PLEKHM2: variants seen among roughly 807,000 people sequenced by gnomAD.
PLEKHM2 encodes pleckstrin homology and RUN domain containing M2.
Under a neutral mutation model 116.3 loss-of-function variants are expected in PLEKHM2, and 77 were observed. That is an observed-to-expected ratio of 0.66 (90% CI 0.55 to 0.80). The LOEUF (loss-of-function observed/expected upper bound fraction) is 0.80, where lower values mean the gene tolerates loss of function less well. Ranked by LOEUF, PLEKHM2 falls within the 30% of genes least tolerant of loss-of-function variation. The probability of loss-of-function intolerance (pLI) is 0.00; values close to 1 mark genes in which losing one functional copy is unlikely to be tolerated. For synonymous variants in PLEKHM2, 562 were observed against 571.0 expected (o/e 0.98, Z 0.22); for missense variants, 1,183 against 1,354.9 (o/e 0.87, Z 1.99).
In PLEKHM2 at chr1:15,729,409, A is replaced by G. The variant is rs569801536; in HGVS notation, c.2075+219A>G. ...GCCCAGGTGACCTCAGCCCCTGGCG[A>G]CTCTTGGGGGTGCTAGCATGAGTTG... is the stretch of plus-strand genomic sequence containing the variant. On this transcript the variant is annotated intron_variant, in intron 13 of 19. Transcript: ENST00000375799. The surrounding 1 kb of genome is among the most constrained non-coding windows in gnomAD (Gnocchi z 4.7). Among the ~76,000 whole-genome samples the G allele has an allele frequency of 2.0e-4, 31 of 151,732 alleles. No homozygotes were observed. Among genetic ancestry groups the G allele is most frequent in the African/African-American group, 6.3e-4 (26 of 41,386 alleles).
intron 1 of PLEKHM2, among the ~76,000 whole-genome samples, chr1:15,693,604 G>C (rs1433897372): frequency 2.0e-5 from 3 of 152,174 alleles, no homozygotes; most frequent in Non-Finnish European, 4.4e-5. Context: ...GTTCAGACGG[G>C]GCTGACTGTC....
Position 15,732,412 on chromosome 1 carries a change from C to G in PLEKHM2, c.2688C>G (p.Asp896Glu). 6.4e-7 allele frequency: 1 copy of G among 1,573,844 alleles called. No homozygotes were observed. Among genetic ancestry groups the G allele is most frequent in the Non-Finnish European group, 8.6e-7 (1 of 1,159,808 alleles). ...CCTGCTGCCTGGTCCTCACGGATGA[C>G]CGCCTCTTTACGTGCCATGAGGATT... The part of the protein sequence containing the change: ...CIPCCLVLTD[D>E]RLFTCHEDCQ... Residue 896 changes from aspartate to glutamate, a missense_variant, in exon 18 of 20, where the codon GAC becomes GAG. By Grantham distance (45) the Asp-to-Glu change is conservative (BLOSUM62 2). Transcript: ENST00000375799.
At chr1:15,704,954 C>T (rs541033733) in intron 1 of PLEKHM2, among the ~76,000 whole-genome samples, 1 of 152,278 alleles carries the variant, frequency 6.6e-6, no homozygotes, top group East Asian at 1.9e-4. Context: ...TGTGCCCTGA[C>T]TCCAGAGTTT....
Position 15,727,252 on chromosome 1 carries a change from C to A in PLEKHM2, c.1180C>A (p.Leu394Met). 6.2e-7 allele frequency: 1 copy of A among 1,605,370 alleles called. No homozygotes were observed. Among genetic ancestry groups the A allele is most frequent in the African/African-American group, 1.3e-5 (1 of 74,882 alleles). Reference protein sequence around the residue: ...ESSERSEPGLLIPEMKDTSME... With the variant: ...ESSERSEPGLMIPEMKDTSME... The stretch of plus-strand genomic sequence containing the variant: ...CAGCGAGCGCTCCGAGCCGGGCCTG[C>A]TGATCCCTGAGATGAAGGACACCTC... The change falls in exon 9 of 20, where the codon CTG becomes ATG. Residue 394 changes from leucine (L) to methionine (M), a missense_variant. Leu to Met is a conservative substitution (Grantham distance 15). Around this residue, in one of 3 missense-constraint regions of PLEKHM2, gnomAD observed 372 missense variants for 357.2 expected, o/e 1.04. Coordinates refer to ENST00000375799, the MANE Select transcript of PLEKHM2 (RefSeq NM_015164.4). This position sits in a 1 kb window ranked among gnomAD's most constrained non-coding sequence, Gnocchi z 7.5.
Position 15,727,730 on chromosome 1 carries a change from T to C in PLEKHM2, c.1658T>C (p.Leu553Pro). 6.2e-7 allele frequency: 1 copy of C among 1,600,068 alleles called. No individual in the cohort carries two copies. Residue 553 changes from leucine to proline, a missense_variant, in exon 9 of 20, where the codon CTC becomes CCC. By Grantham distance (98) the Leu-to-Pro change is moderately conservative. Coordinates refer to ENST00000375799, the MANE Select transcript of PLEKHM2 (RefSeq NM_015164.4). This position sits in a 1 kb window ranked among gnomAD's most constrained non-coding sequence, Gnocchi z 7.5. Reference protein sequence around the residue: ...EPGTQEVLCQLKRDQPSPCLS... With the variant: ...EPGTQEVLCQPKRDQPSPCLS... The stretch of plus-strand genomic sequence containing the variant: ...GGGACCCAGGAGGTTCTCTGCCAGC[T>C]CAAGCGAGACCAGCCCAGCCCGTGT...
chr1:15,699,174 G>A (rs1375498153), intron 1 of PLEKHM2, among the ~76,000 whole-genome samples: 1 of 151,624 alleles, frequency 6.6e-6, no homozygotes, highest in Non-Finnish European at 1.5e-5. Flanking sequence ...TTTTATTATT[G>A]TTATTATTAT....
chr1:15,710,836 G>A (rs1437214809), intron 1 of PLEKHM2, among the ~76,000 whole-genome samples: 1 of 152,220 alleles, frequency 6.6e-6, no homozygotes, highest in Non-Finnish European at 1.5e-5. Flanking sequence ...TACCCAGCAG[G>A]CTGAGGTGAG....
intron 1 of PLEKHM2, among the ~76,000 whole-genome samples, chr1:15,707,848 ACT>A (rs1641255842): frequency 6.6e-6 from 1 of 152,064 alleles, no homozygotes; most frequent in Non-Finnish European, 1.5e-5. Context: ...ACTGGAGAAG[ACT>A]CTGAGCTCAT....
Position 15,729,971 on chromosome 1 carries a change from G to C in PLEKHM2, c.2208+42G>C, listed in dbSNP as rs1251145653. On this transcript the variant is annotated intron_variant, in intron 14 of 19. Transcript: ENST00000375799. The surrounding 1 kb of genome is among the most constrained non-coding windows in gnomAD (Gnocchi z 4.7). ...GAAGCTGAGTGCAGCCCCTGAGATGGCAGAGCAGCAGCCGCCTTGGCGTGA... is the reference window on the plus strand; with the variant it reads ...GAAGCTGAGTGCAGCCCCTGAGATGCCAGAGCAGCAGCCGCCTTGGCGTGA... 1 of 1,543,674 alleles carries C rather than the reference G, an allele frequency of 6.5e-7. No individual in the cohort carries two copies. The highest frequency in any genetic ancestry group is 8.7e-7 in the Non-Finnish European group (1 of 1,143,626).
At position 15,728,619 on chromosome 1, in the gene PLEKHM2, A is replaced by G; in HGVS notation, c.1922-50A>G. ...GTGTCTAAGAAAATGGGGCAGGGGG[A>G]GGGAAAAGAGGCCTGTGGGGATAAT... On this transcript the variant is annotated intron_variant, in intron 11 of 19. Coordinates refer to ENST00000375799, the MANE Select transcript of PLEKHM2 (RefSeq NM_015164.4). The surrounding 1 kb of genome is among the most constrained non-coding windows in gnomAD (Gnocchi z 5.9). 3.4e-6 allele frequency: 5 copies of G among 1,474,128 alleles called. No individual in the cohort carries two copies. Among genetic ancestry groups the G allele is most frequent in the East Asian group, 2.3e-5 (1 of 42,628 alleles). The allele number at this position is 1,474,128 out of a possible 1,614,324, so 91.3% of individuals were successfully genotyped here.
chr1:15,716,891 G>A, intron 3 of PLEKHM2, 75 bp downstream of exon 3: 2 of 1,532,936 alleles, frequency 1.3e-6, no homozygotes, highest in South Asian at 1.2e-5. Context: ...TCTGTCCCAG[G>A]TTTACCCTCA....
chr1:15,698,545 CTTTCTT>C (rs1269814570), intron 1 of PLEKHM2, among the ~76,000 whole-genome samples: 50 of 115,528 alleles, frequency 4.3e-4, no homozygotes, highest in Non-Finnish European at 6.2e-4. Context: ...TTCTTTCTTT[CTTTCTT>C]TTTTTTTTTT....
intron 1 of PLEKHM2, among the ~76,000 whole-genome samples, chr1:15,686,417 T>C (rs920257649): frequency 6.6e-6 from 1 of 152,128 alleles, no homozygotes; most frequent in Non-Finnish European, 1.5e-5. Context: ...CCATGCCCAG[T>C]TTCTTCATCT....
chr1:15,719,983 C>T lies in PLEKHM2; in HGVS notation c.652+63C>T. 7.4e-7 allele frequency: 1 copy of T among 1,352,852 alleles called. No individual in the cohort carries two copies. Among genetic ancestry groups the T allele is most frequent in the Non-Finnish European group, 1.0e-6 (1 of 985,016 alleles). The allele number at this position is 1,352,852 out of a possible 1,614,324, so 83.8% of individuals were successfully genotyped here. On this transcript the variant is annotated intron_variant, in intron 6 of 19. Transcript: ENST00000375799. This position sits in a 1 kb window ranked among gnomAD's most constrained non-coding sequence, Gnocchi z 4.1. ...GTGAAACAGACTTGAACTGCTTAAGCCTGGCTGGGTGATGTCTTCCTTGGC... is the reference window on the plus strand; with the variant it reads ...GTGAAACAGACTTGAACTGCTTAAGTCTGGCTGGGTGATGTCTTCCTTGGC...
Position 15,728,522 on chromosome 1 carries a change from G to A in PLEKHM2, c.1922-147G>A, listed in dbSNP as rs1442554456. 1.1e-6 allele frequency: 1 copy of A among 948,674 alleles called. No individual in the cohort carries two copies. The highest frequency in any genetic ancestry group is 2.6e-5 in the East Asian group (1 of 38,142). 58.8% of individuals were successfully genotyped at this position (948,674 alleles called of 1,614,324 possible). On this transcript the variant is annotated intron_variant, in intron 11 of 19. Transcript: ENST00000375799. The surrounding 1 kb of genome is among the most constrained non-coding windows in gnomAD (Gnocchi z 5.9). ...CAGCAGCCCTGAGACGTGAGCCTGG[G>A]GCTCCCTCTGTGAGCACTCCACGCC...
chr1:15,730,010 C>T (rs2068117471), intron 14 of PLEKHM2, 81 bp downstream of exon 14: 2 of 901,868 alleles, frequency 2.2e-6, no homozygotes, highest in Non-Finnish European at 3.0e-6. Flanking sequence ...TTAAGGGATG[C>T]ACGTGGATGT....
Position 15,728,273 on chromosome 1 carries a change from C to T in PLEKHM2, c.1837C>T (p.Arg613Trp), listed in dbSNP as rs778088672. 15 of 1,613,126 alleles carry T rather than the reference C, an allele frequency of 9.3e-6. No individual in the cohort carries two copies. Among genetic ancestry groups the T allele is most frequent in the South Asian group, 5.5e-5 (5 of 91,066 alleles). The change falls in exon 11 of 20, where the codon CGG becomes TGG. Residue 613 changes from arginine to tryptophan, a missense_variant. Arg to Trp is a moderately radical substitution (Grantham distance 101). This residue lies in a region of PLEKHM2 where 594 missense variants were observed against 720.1 expected (regional missense o/e 0.82). Transcript: ENST00000375799. The surrounding 1 kb of genome is among the most constrained non-coding windows in gnomAD (Gnocchi z 5.9). ...TGTCTGCTTCGGCCCCCAGATGATC[C>T]GGATGAGCACCGGGCACATGGAGGG... is the stretch of plus-strand genomic sequence containing the variant. Reference protein sequence around the residue: ...ENEEQLFKMIRMSTGHMEGNL... With the variant: ...ENEEQLFKMIWMSTGHMEGNL...
chr1:15,697,835 G>A (rs577019455), intron 1 of PLEKHM2, among the ~76,000 whole-genome samples: 2 of 151,658 alleles, frequency 1.3e-5, no homozygotes, highest in African/African-American at 2.4e-5. Flanking sequence ...ACAGGGTCTC[G>A]CCATGTTGCC....
chr1:15,686,805 C>T (rs1475176729), intron 1 of PLEKHM2, among the ~76,000 whole-genome samples: 4 of 151,960 alleles, frequency 2.6e-5, no homozygotes, highest in Admixed American at 6.6e-5. Context: ...CCGGCCACCA[C>T]GCCCGGCTAA....
Sources: allele counts gnomAD v4.1 joint callset (sites outside exome capture counted in the v4.1 genomes callset), GRCh38; gene constraint gnomAD v4.1.1; regional missense constraint gnomAD v4.1.1; non-coding constraint Gnocchi (gnomAD v3.1); transcripts MANE v1.5; gene names NCBI Gene and HGNC (gene_info 2026-07-23, HGNC 2026-07-21).